The following STX18 variants were observed in gnomAD, a reference collection of about 807,000 sequenced individuals.
STX18 encodes the protein syntaxin 18.
STX18 carries 40 observed loss-of-function variants against 50.1 expected under a neutral mutation model. The observed-to-expected ratio is 0.80, with a 90% confidence interval of 0.62 to 1.04. STX18 has a LOEUF of 1.04. Ranked by LOEUF, STX18 falls within the 50% of genes least tolerant of loss-of-function variation. The probability of loss-of-function intolerance (pLI) is 0.00; values close to 1 mark genes in which losing one functional copy is unlikely to be tolerated. For missense variants in STX18, 410 were observed against 415.8 expected, an observed-to-expected ratio of 0.99 and a Z score of 0.12; for synonymous variants, 158 against 151.8, an observed-to-expected ratio of 1.04 and a Z score of -0.30.
At chr4:4,538,375 T>C (rs942674760) in intron 1 of STX18, among the ~76,000 whole-genome samples, 3 of 152,160 alleles carry the variant, frequency 2.0e-5, no homozygotes. Context: ...GGCAAAGAAA[T>C]GTTACCATCT....
intron 1 of STX18, among the ~76,000 whole-genome samples, chr4:4,526,222 C>A (rs1227531693): frequency 6.6e-6 from 1 of 152,164 alleles, no homozygotes; most frequent in Non-Finnish European, 1.5e-5. Flanking sequence ...TGTGTCAGCT[C>A]AGGCACAAGA....
intron 1 of STX18, among the ~76,000 whole-genome samples, chr4:4,521,170 T>G (rs939052678): frequency 3.9e-5 from 6 of 152,202 alleles, no homozygotes; most frequent in Admixed American, 2.6e-4. Flanking sequence ...AAGAAAAAGT[T>G]ACTGAATCTC....
chr4:4,463,091 T>C (rs1282633463), intron 2 of STX18, among the ~76,000 whole-genome samples: 2 of 152,234 alleles, frequency 1.3e-5, no homozygotes, highest in African/African-American at 4.8e-5. Context: ...ATTTGAATCA[T>C]ACTGTCTGCT....
At position 4,419,952 on chromosome 4, in the gene STX18, T is replaced by C. The variant is rs1019980884; in HGVS notation, c.*82A>G. Reference sequence around the variant, plus strand: ...ACTGTGATAAAATCTGGTCATACCATGCTCCAGCACTGGAAGTACATGAAA... The same window carrying C: ...ACTGTGATAAAATCTGGTCATACCACGCTCCAGCACTGGAAGTACATGAAA... On this transcript the variant is annotated 3_prime_UTR_variant, in exon 11 of 11. Coordinates refer to ENST00000306200, the MANE Select transcript of STX18 (RefSeq NM_016930.4). The C allele has an allele frequency of 3.5e-5, 41 of 1,176,086 alleles. No homozygotes were observed. The highest frequency in any genetic ancestry group is 1.5e-4 in the African/African-American group (10 of 65,618). 72.9% of individuals were successfully genotyped at this position (1,176,086 alleles called of 1,614,324 possible).
chr4:4,507,582 G>A (rs1340081621), intron 1 of STX18: 7 of 762,230 alleles, frequency 9.2e-6, no homozygotes, highest in African/African-American at 6.8e-5. Context: ...TGTGCACGAC[G>A]CAAGCCTTGA....
intron 1 of STX18, among the ~76,000 whole-genome samples, chr4:4,508,585 G>A (rs546088065): frequency 2.0e-5 from 3 of 152,114 alleles, no homozygotes; most frequent in Admixed American, 6.5e-5. Flanking sequence ...GGGTACATGC[G>A]CAGGATGTGC....
chr4:4,484,052 T>G lies in STX18; in HGVS notation c.169-12346A>C, dbSNP rs149070969. On this transcript the variant is annotated intron_variant, in intron 1 of 10. Coordinates refer to ENST00000306200, the MANE Select transcript of STX18 (RefSeq NM_016930.4). The stretch of plus-strand genomic sequence containing the variant: ...AATTTTTTTGTATTTTTAGTAGAGA[T>G]GGGGTTTCACCATGTTAGCCAGGAT... Among the ~76,000 whole-genome samples, 325 of 152,098 alleles carry G rather than the reference T, an allele frequency of 2.1e-3. 2 individuals carry two copies. Among genetic ancestry groups the G allele is most frequent in the African/African-American group, 2.0e-3 (85 of 41,486 alleles).
intron 1 of STX18, chr4:4,507,673 G>T: frequency 1.2e-6 from 1 of 823,428 alleles, no homozygotes; most frequent in Non-Finnish European, 2.1e-6. Flanking sequence ...AGGTTCGTTT[G>T]GACAAAGCCC....
chr4:4,520,438 C>T (rs1730458815), intron 1 of STX18, among the ~76,000 whole-genome samples: 1 of 152,152 alleles, frequency 6.6e-6, no homozygotes, highest in South Asian at 2.1e-4. Flanking sequence ...GAAATGTGAA[C>T]TCATCAAATC....
intron 1 of STX18, among the ~76,000 whole-genome samples, chr4:4,532,682 T>C (rs1208680747): frequency 1.3e-5 from 2 of 152,300 alleles, no homozygotes; most frequent in East Asian, 1.9e-4. Flanking sequence ...CCAGAGAGGT[T>C]AGGTGAGTTC....
chr4:4,492,137 A>G (rs1228427399), intron 1 of STX18, among the ~76,000 whole-genome samples: 1 of 152,112 alleles, frequency 6.6e-6, no homozygotes, highest in Non-Finnish European at 1.5e-5. Context: ...CTCCTGGACA[A>G]AAATCTTTGT....
chr4:4,451,909 G>A (rs1364480335), intron 5 of STX18, among the ~76,000 whole-genome samples: 1 of 152,230 alleles, frequency 6.6e-6, no homozygotes, highest in Non-Finnish European at 1.5e-5. Context: ...TAGTTAGAAG[G>A]CAGGTCAAAA....
At chr4:4,529,583 C>G (rs1463175938) in intron 1 of STX18, among the ~76,000 whole-genome samples, 1 of 152,018 alleles carries the variant, frequency 6.6e-6, no homozygotes, top group Non-Finnish European at 1.5e-5. Flanking sequence ...AGTTCCCAGC[C>G]TGGGACACAC....
rs62289797 is a variant in STX18, at chr4:4,423,602, C to A, written c.762-15G>T. On this transcript the variant is annotated splice_polypyrimidine_tract_variant and intron_variant, in intron 8 of 10. Coordinates refer to ENST00000306200, the MANE Select transcript of STX18 (RefSeq NM_016930.4). ...CTTCGATTTGCCTTCATAAAAAGAA[C>A]AGATTACATATTAACTATTAGCACT... is the stretch of plus-strand genomic sequence containing the variant. 1 of 1,612,232 alleles carries A rather than the reference C, an allele frequency of 6.2e-7. No individual in the cohort carries two copies. The highest frequency in any genetic ancestry group is 1.1e-5 in the South Asian group (1 of 91,038).
chr4:4,509,248 G>A (rs888053848), intron 1 of STX18, among the ~76,000 whole-genome samples: 20 of 151,918 alleles, frequency 1.3e-4, no homozygotes, highest in African/African-American at 4.6e-4. Flanking sequence ...TTTAGTAATC[G>A]CCATTCTAAC....
chr4:4,437,657 G>A (rs1325426017), intron 6 of STX18: 27 of 984,302 alleles, frequency 2.7e-5, no homozygotes, highest in South Asian at 2.4e-4. Flanking sequence ...ATGAGACTAC[G>A]GAGAAGGATG....
At chr4:4,523,111 T>C (rs1489354208) in intron 1 of STX18, among the ~76,000 whole-genome samples, 4 of 152,344 alleles carry the variant, frequency 2.6e-5, no homozygotes, top group African/African-American at 4.8e-5. Context: ...CACAGATCAG[T>C]TGCAGGAGGT....
At chr4:4,438,973 T>C (rs1725941026) in intron 5 of STX18, among the ~76,000 whole-genome samples, 2 of 146,174 alleles carry the variant, frequency 1.4e-5, no homozygotes. Flanking sequence ...CCCCAACACA[T>C]GTATACCCAC....
At chr4:4,518,587 C>G (rs1051234063) in intron 1 of STX18, among the ~76,000 whole-genome samples, 11 of 152,124 alleles carry the variant, frequency 7.2e-5, no homozygotes, top group Admixed American at 7.2e-4. Flanking sequence ...AGATTATAAA[C>G]ACATCACTAC....
Sources: gnomAD v4.1 joint callset for allele counts (sites outside exome capture counted in the v4.1 genomes callset) on GRCh38, gnomAD v4.1.1 for gene constraint, MANE v1.5 for transcripts, NCBI Gene and HGNC (gene_info 2026-07-23, HGNC 2026-07-21) for gene names.